The following SPATS2L variants were observed in gnomAD, a reference collection of about 807,000 sequenced individuals.
SPATS2L encodes SPATS2-like protein.
SPATS2L carries 30 observed loss-of-function variants against 59.6 expected under a neutral mutation model. That is an observed-to-expected ratio of 0.50 (90% CI 0.38 to 0.68). The LOEUF is 0.68. SPATS2L is among the 30% of genes least tolerant of loss of function. The pLI is 0.00. For synonymous variants in SPATS2L, 252 were observed against 263.5 expected (o/e 0.96, Z 0.42); for missense variants, 615 against 700.0 (o/e 0.88, Z 1.37).
intron 4 of SPATS2L, among the ~76,000 whole-genome samples, chr2:200,415,938 GA>G (rs1295775981): frequency 6.6e-6 from 1 of 152,034 alleles, no homozygotes; most frequent in Non-Finnish European, 1.5e-5. Flanking sequence ...TAGGGACAGA[GA>G]AAGAGAAAGA....
intron 1 of SPATS2L, among the ~76,000 whole-genome samples, chr2:200,323,262 T>G (rs2079623923): frequency 6.6e-6 from 1 of 152,134 alleles, no homozygotes; most frequent in African/African-American, 2.4e-5. Flanking sequence ...AGCTCTCAAA[T>G]GGAGATAATG....
chr2:200,319,190 C>T (rs895582598), intron 1 of SPATS2L, among the ~76,000 whole-genome samples: 2 of 152,194 alleles, frequency 1.3e-5, no homozygotes, highest in African/African-American at 4.8e-5. Flanking sequence ...CAGGGTTATG[C>T]AGTGCTAGTT....
At chr2:200,419,702 G>C (rs1238361712) in intron 6 of SPATS2L, among the ~76,000 whole-genome samples, 2 of 147,608 alleles carry the variant, frequency 1.4e-5, no homozygotes, top group Non-Finnish European at 3.0e-5. Context: ...TCTACACCAA[G>C]TCAGAGGATT....
chr2:200,419,134 T>C (rs918478691), intron 5 of SPATS2L, 116 bp from the exon 6 acceptor site: 1 of 964,466 alleles, frequency 1.0e-6, no homozygotes, highest in Middle Eastern at 3.4e-4. Context: ...TCATCCAGTC[T>C]ATAAGAAGAG....
intron 12 of SPATS2L, among the ~76,000 whole-genome samples, chr2:200,477,013 C>A (rs995045100): frequency 6.6e-6 from 1 of 152,230 alleles, no homozygotes; most frequent in Non-Finnish European, 1.5e-5. Flanking sequence ...CTCTCCGACT[C>A]AGACTGCAGT....
At chr2:200,379,121 G>T (rs959165286) in intron 2 of SPATS2L, among the ~76,000 whole-genome samples, 1 of 151,994 alleles carries the variant, frequency 6.6e-6, no homozygotes, top group African/African-American at 2.4e-5. Context: ...TCCTTGCCTG[G>T]CGTTCTCCTT....
chr2:200,375,183 G>T (rs1468575093), intron 2 of SPATS2L, among the ~76,000 whole-genome samples: 1 of 152,198 alleles, frequency 6.6e-6, no homozygotes, highest in East Asian at 1.9e-4. Flanking sequence ...GGTGCCAACA[G>T]CAATGAAAAT....
At chr2:200,331,150 G>T (rs1168291637) in intron 2 of SPATS2L, among the ~76,000 whole-genome samples, 1 of 152,120 alleles carries the variant, frequency 6.6e-6, no homozygotes, top group Non-Finnish European at 1.5e-5. Flanking sequence ...AACTGAAGAG[G>T]TGTCCGAATT....
At chr2:200,335,378 C>CA (rs1400332957) in intron 2 of SPATS2L, among the ~76,000 whole-genome samples, 44 of 102,636 alleles carry the variant, frequency 4.3e-4, no homozygotes, top group East Asian at 2.6e-3. Context: ...GATTCTGTCT[C>CA]AAAAAAAAAA....
chr2:200,322,514 G>A (rs1324117391), intron 1 of SPATS2L, among the ~76,000 whole-genome samples: 1 of 152,176 alleles, frequency 6.6e-6, no homozygotes, highest in African/African-American at 2.4e-5. Flanking sequence ...ATAGGTATAC[G>A]AGAGACAAAG....
chr2:200,365,534 C>T (rs183601210), intron 2 of SPATS2L, among the ~76,000 whole-genome samples: 3 of 152,274 alleles, frequency 2.0e-5, no homozygotes, highest in South Asian at 2.1e-4. Flanking sequence ...CAGACTCTAC[C>T]GTGATATACT....
intron 8 of SPATS2L, among the ~76,000 whole-genome samples, chr2:200,446,798 A>G (rs779971727): frequency 6.6e-6 from 1 of 152,192 alleles, no homozygotes; most frequent in Non-Finnish European, 1.5e-5. Flanking sequence ...TTCCAATCAC[A>G]TACCCAAAGA....
chr2:200,477,794 G>T lies in SPATS2L; in HGVS notation c.1440G>T (p.Arg480=). The T allele has an allele frequency of 1.3e-6, 2 of 1,576,356 alleles. No individual in the cohort carries two copies. Among genetic ancestry groups the T allele is most frequent in the Admixed American group, 1.9e-5 (1 of 53,732 alleles). The stretch of plus-strand genomic sequence containing the variant: ...GAAGACAGCCGCACAACGGCTTCCG[G>T]CCCAAAAACAAAGGCGGTGCCAAAA... ...EHRRQPHNGF[R]PKNKGGAKNQ... is the part of the protein sequence containing the mutation. Residue 480 remains arginine, a synonymous_variant, in exon 13 of 13, where the codon CGG becomes CGT. Transcript: ENST00000409140.
chr2:200,347,786 G>A (rs1182636514), intron 2 of SPATS2L, among the ~76,000 whole-genome samples: 1 of 152,168 alleles, frequency 6.6e-6, no homozygotes, highest in Admixed American at 6.5e-5. Context: ...CTGGTAAACT[G>A]CTTGGTTTGC....
In SPATS2L at chr2:200,479,792, G is replaced by C; in HGVS notation, c.*1761G>C. The C allele has an allele frequency of 2.5e-6, 1 of 398,652 alleles. No homozygotes were observed. The allele number at this position is 398,652 out of a possible 1,614,324, so 24.7% of individuals were successfully genotyped here. On this transcript the variant is annotated 3_prime_UTR_variant, in exon 13 of 13. Coordinates refer to ENST00000409140, the MANE Select transcript of SPATS2L (RefSeq NM_001100423.2). ...CGGCCCTGAGCAGCTGAGCCTGCAAGCCACGCAAGCATCTGTTTCTTCTTT... is the reference window on the plus strand; with the variant it reads ...CGGCCCTGAGCAGCTGAGCCTGCAACCCACGCAAGCATCTGTTTCTTCTTT...
intron 12 of SPATS2L, among the ~76,000 whole-genome samples, chr2:200,475,470 G>C (rs2087442097): frequency 6.6e-6 from 1 of 152,198 alleles, no homozygotes; most frequent in Non-Finnish European, 1.5e-5. Flanking sequence ...GGAGCGAGGA[G>C]GGGGCTTCCA....
rs1484876804 is a variant in SPATS2L, at chr2:200,477,793, G to A, written c.1439G>A (p.Arg480Gln). ...EHRRQPHNGFRPKNKGGAKNQ... is the reference protein window; with the variant it reads ...EHRRQPHNGFQPKNKGGAKNQ... ...AGAAGACAGCCGCACAACGGCTTCC[G>A]GCCCAAAAACAAAGGCGGTGCCAAA... Residue 480 changes from arginine (R) to glutamine (Q), a missense_variant, in exon 13 of 13, where the codon CGG (arginine) becomes CAG (glutamine). Around this residue, in one of 3 missense-constraint regions of SPATS2L, gnomAD observed 284 missense variants for 280.1 expected, o/e 1.01. Coordinates refer to ENST00000409140, the MANE Select transcript of SPATS2L (RefSeq NM_001100423.2). 10 of 1,576,184 alleles carry A rather than the reference G, an allele frequency of 6.3e-6. No homozygotes were observed. Among genetic ancestry groups the A allele is most frequent in the South Asian group, 5.8e-5 (5 of 86,208 alleles).
At chr2:200,448,623 T>C (rs993902654) in intron 8 of SPATS2L, among the ~76,000 whole-genome samples, 2 of 152,226 alleles carry the variant, frequency 1.3e-5, no homozygotes, top group Non-Finnish European at 2.9e-5. Context: ...CTTGCAATGA[T>C]CAAAATCTAT....
chr2:200,455,279 TAGTC>T (rs1006006036), intron 8 of SPATS2L, among the ~76,000 whole-genome samples: 43 of 152,334 alleles, frequency 2.8e-4, no homozygotes, highest in South Asian at 1.4e-3. Context: ...TTTAAAAACT[TAGTC>T]AGAGCTCTCT....
Sources: gnomAD v4.1 joint callset for allele counts (sites outside exome capture counted in the v4.1 genomes callset) on GRCh38, gnomAD v4.1.1 for gene constraint, gnomAD v4.1.1 regional missense constraint, MANE v1.5 for transcripts, NCBI Gene and HGNC (gene_info 2026-07-23, HGNC 2026-07-21) for gene names.